SHC4: variants seen among roughly 807,000 people sequenced by gnomAD.
SHC4 encodes SHC-transforming protein 4.
SHC4 carries 41 observed loss-of-function variants against 69.4 expected under a neutral mutation model. The observed-to-expected ratio is 0.59, with a 90% CI of 0.46 to 0.77. SHC4 has a LOEUF of 0.77. Among genes scored for constraint, SHC4 ranks in the 30% least tolerant of loss-of-function variants. The probability of loss-of-function intolerance (pLI) is 0.00; values close to 1 mark genes in which losing one functional copy is unlikely to be tolerated. For missense variants in SHC4, 777 were observed against 783.8 expected (o/e 0.99, Z 0.10); for synonymous variants, 318 against 299.3 (o/e 1.06, Z -0.64).
rs1280245866 is a variant in SHC4 at position 48,962,989 on chromosome 15, C to A, written c.27G>T (p.Leu9=). The change falls in exon 1 of 12, where the codon CTG becomes CTT. Residue 9 remains leucine, a synonymous_variant. Coordinates refer to ENST00000332408, the MANE Select transcript of SHC4 (RefSeq NM_203349.4). ...GTCCTACATACAGCACGAGTCCTGC[C>A]AGGCTGTCCTGGCCGCGTTCTCGCA... MRERGQDS[L]AGLVLYVGLF... is the part of the protein sequence containing the mutation. The A allele has an allele frequency of 1.2e-6, 2 of 1,610,440 alleles. No individual in the cohort carries two copies. The highest frequency in any genetic ancestry group is 1.1e-5 in the South Asian group (1 of 90,868).
At chr15:48,844,927 C>G (rs564947839) in intron 9 of SHC4, among the ~76,000 whole-genome samples, 2 of 152,200 alleles carry the variant, frequency 1.3e-5, no homozygotes, top group African/African-American at 4.8e-5. Context: ...TTACAAATTA[C>G]CCAGTCTTGG....
chr15:48,934,896 T>C (rs1171458585), intron 1 of SHC4, among the ~76,000 whole-genome samples: 1 of 152,140 alleles, frequency 6.6e-6, no homozygotes, highest in Non-Finnish European at 1.5e-5. Context: ...ATAGACAAAT[T>C]TGTAGAGCTA....
intron 6 of SHC4, among the ~76,000 whole-genome samples, chr15:48,859,306 G>T (rs1013512579): frequency 1.4e-5 from 2 of 145,926 alleles, no homozygotes; most frequent in East Asian, 2.0e-4. Context: ...ATTTGAAAGG[G>T]GTGTGTGTGT....
chr15:48,957,580 T>C (rs1901476082), intron 1 of SHC4, among the ~76,000 whole-genome samples: 2 of 152,190 alleles, frequency 1.3e-5, no homozygotes, highest in Admixed American at 6.5e-5. Context: ...AGAAAATCTT[T>C]CAACACAAAT....
chr15:48,830,882 C>T (rs1241641823), intron 11 of SHC4, among the ~76,000 whole-genome samples: 1 of 152,124 alleles, frequency 6.6e-6, no homozygotes, highest in Non-Finnish European at 1.5e-5. Flanking sequence ...TAGAATAAGG[C>T]ATTGTTATCA....
intron 1 of SHC4, among the ~76,000 whole-genome samples, chr15:48,931,574 C>G (rs762500788): frequency 1.3e-5 from 2 of 152,076 alleles, no homozygotes; most frequent in African/African-American, 4.8e-5. Flanking sequence ...TCCCTATCAT[C>G]GTCATAACTT....
At chr15:48,883,268 G>T (rs1899976794) in intron 4 of SHC4, among the ~76,000 whole-genome samples, 1 of 152,064 alleles carries the variant, frequency 6.6e-6, no homozygotes, top group Non-Finnish European at 1.5e-5. Flanking sequence ...ACAGCCCTAT[G>T]AGACACTTAA....
chr15:48,826,250 G>A, intron 11 of SHC4, 124 bp from the exon 12 acceptor site: 2 of 922,342 alleles, frequency 2.2e-6, no homozygotes, highest in Non-Finnish European at 3.0e-6. Flanking sequence ...AAAAGAAAAG[G>A]TACTTTTTTT....
chr15:48,943,930 A>G (rs1174667843), intron 1 of SHC4, among the ~76,000 whole-genome samples: 4 of 151,948 alleles, frequency 2.6e-5, no homozygotes, highest in Non-Finnish European at 5.9e-5. Context: ...GAGAAATGGC[A>G]GTTTTTAAGC....
chr15:48,889,620 G>A (rs1203882833), intron 3 of SHC4, among the ~76,000 whole-genome samples: 2 of 152,200 alleles, frequency 1.3e-5, no homozygotes, highest in African/African-American at 4.8e-5. Context: ...CGAGGCAGGC[G>A]GATCATGAGG....
chr15:48,899,184 T>G (rs1900274711), intron 2 of SHC4, among the ~76,000 whole-genome samples: 1 of 152,186 alleles, frequency 6.6e-6, no homozygotes, highest in Non-Finnish European at 1.5e-5. Context: ...TAAAACAGTT[T>G]GGCCAGGTGT....
At chr15:48,956,974 CTTTT>C (rs773067812) in intron 1 of SHC4, among the ~76,000 whole-genome samples, 26 of 19,562 alleles carry the variant, frequency 1.3e-3, no homozygotes, top group Middle Eastern at 0.028. Flanking sequence ...TTCTTTCTTT[CTTTT>C]TTTTTTTTTT....
At chr15:48,871,446 C>T (rs764558818) in intron 5 of SHC4, among the ~76,000 whole-genome samples, 1 of 152,218 alleles carries the variant, frequency 6.6e-6, no homozygotes, top group Non-Finnish European at 1.5e-5. Flanking sequence ...GCTTCAAAGC[C>T]CCTCTCCTTT....
chr15:48,930,624 G>A (rs1335783738), intron 1 of SHC4, among the ~76,000 whole-genome samples: 2 of 152,144 alleles, frequency 1.3e-5, no homozygotes, highest in African/African-American at 2.4e-5. Context: ...GGGACAGAGC[G>A]AGACCCTGTC....
At chr15:48,894,143 A>G (rs978179798) in intron 2 of SHC4, among the ~76,000 whole-genome samples, 1 of 152,230 alleles carries the variant, frequency 6.6e-6, no homozygotes, top group African/African-American at 2.4e-5. Flanking sequence ...GAAGAAGTCT[A>G]TATAAATTAG....
chr15:48,955,460 A>G (rs1465727464), intron 1 of SHC4, among the ~76,000 whole-genome samples: 2 of 152,312 alleles, frequency 1.3e-5, no homozygotes, highest in East Asian at 3.9e-4. Context: ...AGTAATATGA[A>G]CATGGAAATG....
chr15:48,904,210 C>T (rs1199780246), intron 2 of SHC4, among the ~76,000 whole-genome samples: 1 of 152,158 alleles, frequency 6.6e-6, no homozygotes, highest in Non-Finnish European at 1.5e-5. Context: ...CCATAATGCA[C>T]AAGAGGCAGG....
Position 48,963,019 on chromosome 15 carries a change from C to A in SHC4, c.-4G>T, listed in dbSNP as rs1385855544. The A allele has an allele frequency of 6.3e-7, 1 of 1,598,222 alleles. No individual in the cohort carries two copies. ...TGTCCTGGCCGCGTTCTCGCATAGC[C>A]TTGGCAGTGCTGAAACAGGATACTG... On this transcript the variant is annotated 5_prime_UTR_variant, in exon 1 of 12. In the 5' UTR this introduces an upstream ATG that the reference lacks. Coordinates refer to ENST00000332408, the MANE Select transcript of SHC4 (RefSeq NM_203349.4).
chr15:48,841,191 C>T (rs540347544), intron 10 of SHC4, among the ~76,000 whole-genome samples: 56 of 152,230 alleles, frequency 3.7e-4, no homozygotes, highest in African/African-American at 1.1e-3. Context: ...TAAATAAGTT[C>T]TCTGATAATA....
Sources: gnomAD v4.1 joint callset for allele counts (sites outside exome capture counted in the v4.1 genomes callset) on GRCh38, gnomAD v4.1.1 for gene constraint, MANE v1.5 for transcripts, NCBI Gene and HGNC (gene_info 2026-07-23, HGNC 2026-07-21) for gene names.